CTNND2: variants seen among roughly 807,000 people sequenced by gnomAD.
The protein encoded by CTNND2 is catenin delta-2.
In CTNND2, 22 loss-of-function variants were observed where a neutral mutation model predicts 144.4. The observed-to-expected ratio is 0.15, with a 90% CI of 0.11 to 0.22. The LOEUF (loss-of-function observed/expected upper bound fraction) is 0.22. CTNND2 is among the 10% of genes least tolerant of loss of function. The probability of loss-of-function intolerance (pLI) is 1.00; values close to 1 mark genes in which losing one functional copy is unlikely to be tolerated. For synonymous variants in CTNND2, 751 were observed against 695.6 expected (o/e 1.08, Z -1.25); for missense variants, 1,353 against 1,618.8 (o/e 0.84, Z 2.82).
At chr5:11,547,572 A>G (rs1409629141) in intron 3 of CTNND2, among the ~76,000 whole-genome samples, 2 of 152,160 alleles carry the variant, frequency 1.3e-5, no homozygotes, top group African/African-American at 2.4e-5. Flanking sequence ...CTAAAATAAA[A>G]GACAAACCAC....
At chr5:11,741,981 A>G (rs1433970651) in intron 1 of CTNND2, among the ~76,000 whole-genome samples, 1 of 151,726 alleles carries the variant, frequency 6.6e-6, no homozygotes, top group African/African-American at 2.4e-5. Context: ...GTTCTCACTC[A>G]TAAGTGGGAG....
chr5:11,542,609 C>G (rs1354689035), intron 3 of CTNND2, among the ~76,000 whole-genome samples: 2 of 152,128 alleles, frequency 1.3e-5, no homozygotes, highest in African/African-American at 4.8e-5. Flanking sequence ...CAATAATATA[C>G]TTAAGAAGGC....
intron 3 of CTNND2, among the ~76,000 whole-genome samples, chr5:11,482,417 T>C (rs544359024): frequency 6.6e-6 from 1 of 152,280 alleles, no homozygotes; most frequent in South Asian, 2.1e-4. Context: ...AATGCATTAG[T>C]ATATTCATTC....
chr5:11,274,445 C>T (rs1324250551), intron 9 of CTNND2, among the ~76,000 whole-genome samples: 1 of 152,022 alleles, frequency 6.6e-6, no homozygotes, highest in Admixed American at 6.6e-5. Flanking sequence ...GGTAAACAAC[C>T]TGTCTCAGCA....
chr5:11,648,957 G>A (rs1249257422), intron 2 of CTNND2, among the ~76,000 whole-genome samples: 2 of 152,132 alleles, frequency 1.3e-5, no homozygotes, highest in Admixed American at 1.3e-4. Context: ...GCTGTAGATG[G>A]ATAACACATT....
intron 12 of CTNND2, among the ~76,000 whole-genome samples, chr5:11,128,853 ATAATATAT>A (rs1755028847): frequency 1.4e-5 from 1 of 71,252 alleles, no homozygotes; most frequent in African/African-American, 4.9e-5. Context: ...TATAATATAT[ATAATATAT>A]ATAATATATA....
At position 10,973,437 on chromosome 5, in the gene CTNND2, G is replaced by A. The variant is rs374759152; in HGVS notation, c.*16C>T. 1.3e-4 allele frequency: 209 copies of A among 1,554,082 alleles called. 1 individual carries two copies. The highest frequency in any genetic ancestry group is 3.5e-4 in the Middle Eastern group (2 of 5,780). ...CATGCACATGCACTGTTCCCGGAGC[G>A]CCTGTGCCCTGCTCCTCACACCCAG... is the stretch of plus-strand genomic sequence containing the variant. On this transcript the variant is annotated 3_prime_UTR_variant, in exon 22 of 22. Coordinates refer to ENST00000304623, the MANE Select transcript of CTNND2 (RefSeq NM_001332.4). The surrounding 1 kb of genome is among the most constrained non-coding windows in gnomAD (Gnocchi z 5.6).
chr5:11,644,843 A>C (rs1782266053), intron 2 of CTNND2, among the ~76,000 whole-genome samples: 1 of 152,168 alleles, frequency 6.6e-6, no homozygotes, highest in Admixed American at 6.5e-5. Flanking sequence ...ATGAAAATAA[A>C]CCTATTTTAA....
At position 11,544,664 on chromosome 5, in the gene CTNND2, C is replaced by G. The variant is rs117356616; in HGVS notation, c.287+20280G>C. 7.5e-4 allele frequency among the ~76,000 whole-genome samples: 114 copies of G among 152,276 alleles called. 3 individuals carry two copies. The East Asian group carries it at 0.021, about 28-fold the overall frequency. On this transcript the variant is annotated intron_variant, in intron 3 of 21. Transcript: ENST00000304623. ...AACTGAATCATTCTTTATGATGAAA[C>G]ACTTAGCAAATCAGCAATTAAAAGG...
chr5:11,062,579 CA>C (rs1224165491), intron 16 of CTNND2, among the ~76,000 whole-genome samples: 1 of 152,204 alleles, frequency 6.6e-6, no homozygotes, highest in South Asian at 2.1e-4. Context: ...ATCAGACAAG[CA>C]CATTCTTCTA....
intron 16 of CTNND2, among the ~76,000 whole-genome samples, chr5:11,072,372 G>A (rs1041975911): frequency 2.0e-5 from 3 of 152,190 alleles, no homozygotes; most frequent in African/African-American, 4.8e-5. Context: ...TGGGATTGAA[G>A]GCTATTATAT....
chr5:11,123,861 T>C (rs1754384998), intron 12 of CTNND2, among the ~76,000 whole-genome samples: 1 of 152,188 alleles, frequency 6.6e-6, no homozygotes, highest in Admixed American at 6.5e-5. Context: ...CCGTGTGCTA[T>C]GTGATGTATA....
intron 3 of CTNND2, among the ~76,000 whole-genome samples, chr5:11,456,284 A>T (rs1351474104): frequency 6.7e-6 from 1 of 149,918 alleles, no homozygotes; most frequent in Non-Finnish European, 1.5e-5. Context: ...TTTTACCCAC[A>T]TATAATTTTT....
At chr5:11,386,360 G>A (rs1002608459) in intron 6 of CTNND2, among the ~76,000 whole-genome samples, 1 of 152,176 alleles carries the variant, frequency 6.6e-6, no homozygotes, top group South Asian at 2.1e-4. Context: ...AAGGGAGGAA[G>A]AGAAGATTGA....
At chr5:11,240,141 AAC>A (rs768870703) in intron 9 of CTNND2, among the ~76,000 whole-genome samples, 2,397 of 139,062 alleles carry the variant, frequency 0.017, 60 homozygotes, top group African/African-American at 0.054. Context: ...ACACACACCC[AAC>A]ACACACACAC....
chr5:11,387,260 G>C (rs544031548), intron 6 of CTNND2, among the ~76,000 whole-genome samples: 1 of 149,984 alleles, frequency 6.7e-6, no homozygotes, highest in African/African-American at 2.5e-5. Flanking sequence ...AAAAATTCTA[G>C]AGGAATCAGA....
chr5:11,255,595 C>T (rs1438464037), intron 9 of CTNND2, among the ~76,000 whole-genome samples: 4 of 151,668 alleles, frequency 2.6e-5, no homozygotes, highest in African/African-American at 4.9e-5. Context: ...TACTTGGCTG[C>T]GACCACAAAG....
intron 3 of CTNND2, among the ~76,000 whole-genome samples, chr5:11,413,493 T>C (rs1761702620): frequency 6.6e-6 from 1 of 152,164 alleles, no homozygotes; most frequent in Non-Finnish European, 1.5e-5. Flanking sequence ...AATACTACTG[T>C]TTAAAGATCA....
At chr5:11,557,864 G>T (rs1244321018) in intron 3 of CTNND2, among the ~76,000 whole-genome samples, 2 of 152,144 alleles carry the variant, frequency 1.3e-5, no homozygotes, top group Non-Finnish European at 2.9e-5. Flanking sequence ...GGGAATGAGG[G>T]AGTTATTGAA....
Sources: allele counts gnomAD v4.1 joint callset (sites outside exome capture counted in the v4.1 genomes callset), GRCh38; gene constraint gnomAD v4.1.1; non-coding constraint Gnocchi (gnomAD v3.1); transcripts MANE v1.5; gene names NCBI Gene and HGNC (gene_info 2026-07-23, HGNC 2026-07-21).